Variants in ZNF804A observed in about 807,000 individuals in gnomAD.
The protein encoded by ZNF804A is zinc finger protein 804A.
A neutral mutation model predicts 16.5 loss-of-function variants in ZNF804A; 2 were observed. That is an observed-to-expected ratio of 0.12 (90% CI 0.05 to 0.38). The LOEUF is 0.38. Ranked by LOEUF, ZNF804A falls within the 10% of genes least tolerant of loss-of-function variation. The pLI is 0.99. For synonymous variants in ZNF804A, 534 were observed against 489.6 expected, an observed-to-expected ratio of 1.09 and a Z score of -1.20; for missense variants, 1,473 against 1,390.7, an observed-to-expected ratio of 1.06 and a Z score of -0.94.
At chr2:184,918,488 AAAC>A (rs1405908928) in intron 2 of ZNF804A, among the ~76,000 whole-genome samples, 2 of 152,144 alleles carry the variant, frequency 1.3e-5, no homozygotes, top group African/African-American at 4.8e-5. Flanking sequence ...GCTGTAAGGA[AAAC>A]ATCATCATAT....
rs536339656 is a variant in ZNF804A at position 184,889,957 on chromosome 2, G to A, written c.255+23445G>A. Among the ~76,000 whole-genome samples, 108 of 152,052 alleles carry A rather than the reference G, an allele frequency of 7.1e-4. 1 individual carries two copies. The highest frequency in any genetic ancestry group is 6.9e-3 in the South Asian group (33 of 4,816). On this transcript the variant is annotated intron_variant, in intron 2 of 3. Coordinates refer to ENST00000302277, the MANE Select transcript of ZNF804A (RefSeq NM_194250.2). Reference sequence around the variant, plus strand: ...GCTTAAATTTTTTCTAAGTGTTTTTGTAACAATTTGGAAAATATTGCCCAT... The same window carrying A: ...GCTTAAATTTTTTCTAAGTGTTTTTATAACAATTTGGAAAATATTGCCCAT...
chr2:184,870,632 A>T (rs942307611), intron 2 of ZNF804A, among the ~76,000 whole-genome samples: 1 of 152,040 alleles, frequency 6.6e-6, no homozygotes. Flanking sequence ...TACACAATTT[A>T]GACACCCAAT....
chr2:184,639,712 G>C (rs1179591835), intron 1 of ZNF804A, among the ~76,000 whole-genome samples: 2 of 152,074 alleles, frequency 1.3e-5, no homozygotes, highest in Non-Finnish European at 2.9e-5. Flanking sequence ...TAGGAAAATA[G>C]AGATCAAGGG....
At chr2:184,626,439 TA>T (rs1691500954) in intron 1 of ZNF804A, among the ~76,000 whole-genome samples, 1 of 152,208 alleles carries the variant, frequency 6.6e-6, no homozygotes, top group Non-Finnish European at 1.5e-5. Context: ...TGATAGAAAT[TA>T]AAATCCACAT....
intron 1 of ZNF804A, among the ~76,000 whole-genome samples, chr2:184,642,896 T>C (rs973219525): frequency 5.3e-5 from 8 of 152,170 alleles, no homozygotes; most frequent in African/African-American, 1.9e-4. Context: ...ATTTTCTTGA[T>C]ATGGTAATGG....
intron 2 of ZNF804A, among the ~76,000 whole-genome samples, chr2:184,912,773 G>A (rs1394113132): frequency 6.6e-6 from 1 of 151,968 alleles, no homozygotes; most frequent in Non-Finnish European, 1.5e-5. Flanking sequence ...GTCTATTTAA[G>A]TCTTTTGCCT....
chr2:184,644,560 TAGAC>T (rs1280874153), intron 1 of ZNF804A, among the ~76,000 whole-genome samples: 4 of 151,942 alleles, frequency 2.6e-5, no homozygotes, highest in Non-Finnish European at 5.9e-5. Flanking sequence ...AAAACCTGTA[TAGAC>T]ATTTTATGTC....
At chr2:184,751,920 C>T (rs1433881011) in intron 1 of ZNF804A, among the ~76,000 whole-genome samples, 1 of 151,494 alleles carries the variant, frequency 6.6e-6, no homozygotes, top group African/African-American at 2.4e-5. Flanking sequence ...CAAATTAAAG[C>T]CACAATGAGA....
intron 2 of ZNF804A, among the ~76,000 whole-genome samples, chr2:184,928,695 A>G (rs1685646555): frequency 6.6e-6 from 1 of 152,210 alleles, no homozygotes; most frequent in Non-Finnish European, 1.5e-5. Context: ...GGCTTGCAGG[A>G]ACTCAAGTTC....
chr2:184,604,146 CT>C (rs759053144), intron 1 of ZNF804A, among the ~76,000 whole-genome samples: 3 of 44,898 alleles, frequency 6.7e-5, no homozygotes, highest in African/African-American at 1.4e-4. Context: ...ACTGCAATTA[CT>C]TTTTTTTTTT....
At chr2:184,933,510 T>C in intron 2 of ZNF804A, 93 bp from the exon 3 acceptor site, 2 of 1,208,176 alleles carry the variant, frequency 1.7e-6, no homozygotes, top group Non-Finnish European at 2.3e-6. Flanking sequence ...AGGTCAAAGA[T>C]GATGCATTGG....
chr2:184,616,776 A>G (rs1691327930), intron 1 of ZNF804A, among the ~76,000 whole-genome samples: 1 of 152,154 alleles, frequency 6.6e-6, no homozygotes, highest in Non-Finnish European at 1.5e-5. Flanking sequence ...ATATCACCTG[A>G]AAGTTTAGAA....
At chr2:184,686,909 T>A (rs1692646018) in intron 1 of ZNF804A, among the ~76,000 whole-genome samples, 1 of 152,216 alleles carries the variant, frequency 6.6e-6, no homozygotes, top group Non-Finnish European at 1.5e-5. Context: ...AATTTATGTC[T>A]CTTATAGATT....
At chr2:184,654,339 A>T (rs922538842) in intron 1 of ZNF804A, among the ~76,000 whole-genome samples, 2 of 152,144 alleles carry the variant, frequency 1.3e-5, no homozygotes, top group Non-Finnish European at 2.9e-5. Context: ...TGTTTGGGGA[A>T]TATGCTTCCT....
chr2:184,897,225 A>G (rs545231720), intron 2 of ZNF804A, among the ~76,000 whole-genome samples: 4 of 152,248 alleles, frequency 2.6e-5, no homozygotes, highest in South Asian at 2.1e-4. Flanking sequence ...ATTTTGTCAC[A>G]TAATATCAAG....
intron 1 of ZNF804A, among the ~76,000 whole-genome samples, chr2:184,805,966 A>G (rs1694794658): frequency 2.0e-5 from 3 of 152,006 alleles, no homozygotes. Flanking sequence ...AATTCTGTAG[A>G]GGATCAAGAA....
chr2:184,744,330 ATGTT>A (rs1331394888), intron 1 of ZNF804A, among the ~76,000 whole-genome samples: 1 of 151,938 alleles, frequency 6.6e-6, no homozygotes, highest in Non-Finnish European at 1.5e-5. Context: ...TATGGTCTGA[ATGTT>A]TGTGTCTCCC....
intron 2 of ZNF804A, among the ~76,000 whole-genome samples, chr2:184,916,176 T>C (rs1282594871): frequency 6.6e-6 from 1 of 152,120 alleles, no homozygotes. Flanking sequence ...AACAACTCTC[T>C]GGAATTCAAA....
chr2:184,688,830 T>C (rs1224529653), intron 1 of ZNF804A, among the ~76,000 whole-genome samples: 2 of 152,166 alleles, frequency 1.3e-5, no homozygotes, highest in African/African-American at 4.8e-5. Flanking sequence ...ATTAGAGATA[T>C]GCTAAATATC....
Sources: allele counts gnomAD v4.1 joint callset (sites outside exome capture counted in the v4.1 genomes callset), GRCh38; gene constraint gnomAD v4.1.1; transcripts MANE v1.5; gene names NCBI Gene and HGNC (gene_info 2026-07-23, HGNC 2026-07-21).